ZNF264: variants seen among roughly 807,000 people sequenced by gnomAD.
ZNF264 encodes the protein zinc finger protein 264.
In ZNF264, 11 loss-of-function variants were observed where a neutral mutation model predicts 11.2. The ratio of observed to expected loss-of-function variants is 0.98; its 90% CI spans 0.62 to 1.63. The LOEUF is 1.63. Among genes scored for constraint, ZNF264 ranks in the 40% most tolerant of loss-of-function variants. The pLI, the probability that ZNF264 is intolerant of heterozygous loss-of-function variation, is 0.00. For synonymous variants in ZNF264, 309 were observed against 279.8 expected (o/e 1.10, Z -1.04); for missense variants, 752 against 768.1 (o/e 0.98, Z 0.25).
chr19:57,209,844 C>T (rs1471205118), intron 3 of ZNF264, among the ~76,000 whole-genome samples: 1 of 152,012 alleles, frequency 6.6e-6, no homozygotes, highest in Non-Finnish European at 1.5e-5. Context: ...GTAATCTGCT[C>T]ACCTCGGCCT....
intron 2 of ZNF264, among the ~76,000 whole-genome samples, chr19:57,203,350 A>G (rs995566064): frequency 2.0e-5 from 3 of 152,128 alleles, no homozygotes; most frequent in Non-Finnish European, 4.4e-5. Flanking sequence ...GCTTGTTCCC[A>G]GGGGAGTTTA....
chr19:57,196,831 C>T (rs977340915), intron 2 of ZNF264, among the ~76,000 whole-genome samples: 42 of 152,002 alleles, frequency 2.8e-4, no homozygotes, highest in Admixed American at 2.2e-3. Context: ...CATCCTTCTT[C>T]GAAGTCCCTG....
At chr19:57,206,334 C>T (rs900675790) in intron 3 of ZNF264, among the ~76,000 whole-genome samples, 1 of 152,156 alleles carries the variant, frequency 6.6e-6, no homozygotes, top group African/African-American at 2.4e-5. Flanking sequence ...AGCTCCGCCT[C>T]CCGGGTTCAC....
intron 3 of ZNF264, 105 bp downstream of exon 3, chr19:57,205,597 C>A (rs1419927054): frequency 3.3e-5 from 32 of 958,572 alleles, no homozygotes; most frequent in Non-Finnish European, 4.6e-5. Flanking sequence ...TGGCCTCTCT[C>A]TATATAACTC....
chr19:57,195,552 C>T (rs1242339965), intron 2 of ZNF264, among the ~76,000 whole-genome samples: 2 of 149,472 alleles, frequency 1.3e-5, no homozygotes, highest in African/African-American at 5.1e-5. Flanking sequence ...GGGTCTGGGC[C>T]ATTTGTAGTC....
At chr19:57,206,324 A>C (rs907984280) in intron 3 of ZNF264, among the ~76,000 whole-genome samples, 3 of 152,044 alleles carry the variant, frequency 2.0e-5, no homozygotes, top group Non-Finnish European at 1.5e-5. Context: ...GCTCACTGCA[A>C]GCTCCGCCTC....
chr19:57,197,276 T>G (rs2087218809), intron 2 of ZNF264, among the ~76,000 whole-genome samples: 1 of 151,736 alleles, frequency 6.6e-6, no homozygotes, highest in South Asian at 2.1e-4. Flanking sequence ...AATGCTGCTG[T>G]GCGTGACCCA....
intron 3 of ZNF264, among the ~76,000 whole-genome samples, 161 bp from the exon 4 acceptor site, chr19:57,211,193 G>A (rs2087332136): frequency 6.6e-6 from 1 of 152,112 alleles, no homozygotes; most frequent in Non-Finnish European, 1.5e-5. Flanking sequence ...CGAGTCCAAG[G>A]ACCAGGATAG....
Position 57,216,851 on chromosome 19 carries a change from A to C in ZNF264, c.*3870A>C. On this transcript the variant is annotated 3_prime_UTR_variant, in exon 4 of 4. Transcript: ENST00000263095. Reference sequence around the variant, plus strand: ...TGGGGTTGTTTACTAGTCTTCCTATAGGTTACTTCACCTTTTTTTTTTTTA... The same window carrying C: ...TGGGGTTGTTTACTAGTCTTCCTATCGGTTACTTCACCTTTTTTTTTTTTA... The C allele has an allele frequency of 6.7e-6, 1 of 149,922 alleles. No individual in the cohort carries two copies. The highest frequency in any genetic ancestry group is 1.9e-4 in the East Asian group (1 of 5,142). 9.3% of individuals were successfully genotyped at this position (149,922 alleles called of 1,614,324 possible). A position where few individuals can be genotyped will look rare whatever the true frequency, so the allele number is the denominator to read the frequency against.
rs1215101011 is a variant in ZNF264 at position 57,218,397 on chromosome 19, A to T, written c.*5416A>T. 1 of 152,112 alleles carries T rather than the reference A, an allele frequency of 6.6e-6. No individual in the cohort carries two copies. Among genetic ancestry groups the T allele is most frequent in the Non-Finnish European group, 1.5e-5 (1 of 68,028 alleles). 9.4% of individuals were successfully genotyped at this position (152,112 alleles called of 1,614,324 possible). ...TCAAGCTTCATTCAAAGTGTTTTTCATTGTCTCTAGTGTTCAGAAGTTTGG... is the reference window on the plus strand; with the variant it reads ...TCAAGCTTCATTCAAAGTGTTTTTCTTTGTCTCTAGTGTTCAGAAGTTTGG... On this transcript the variant is annotated 3_prime_UTR_variant, in exon 4 of 4. Coordinates refer to ENST00000263095, the MANE Select transcript of ZNF264 (RefSeq NM_003417.5).
intron 1 of ZNF264, 122 bp from the exon 2 acceptor site, chr19:57,193,753 C>G: frequency 7.2e-7 from 1 of 1,393,676 alleles, no homozygotes; most frequent in African/African-American, 1.4e-5. Flanking sequence ...CAGAGCTAGG[C>G]CCTCAGGAGG....
chr19:57,211,283 G>T, intron 3 of ZNF264, 71 bp from the exon 4 acceptor site: 2 of 1,385,644 alleles, frequency 1.4e-6, no homozygotes, highest in Non-Finnish European at 1.9e-6. Context: ...GTTTTTCACA[G>T]AAATGGTAAT....
rs755014783 is a variant in ZNF264, at chr19:57,199,750, TG to T, written c.161-5644del. On this transcript the variant is annotated intron_variant, in intron 2 of 3. Transcript: ENST00000263095. ...GGTCACACTCTGAACCTCACTTCTG[TG>T]GGCCCATCGGGACTTTAGTTATAGG... Among the ~76,000 whole-genome samples, 6 of 151,994 alleles carry T rather than the reference TG, an allele frequency of 3.9e-5. No individual in the cohort carries two copies. In the East Asian group the frequency reaches 5.8e-4, roughly 15 times the overall value.
At chr19:57,203,376 C>A (rs1232084089) in intron 2 of ZNF264, among the ~76,000 whole-genome samples, 1 of 152,096 alleles carries the variant, frequency 6.6e-6, no homozygotes, top group Non-Finnish European at 1.5e-5. Context: ...CTAGAAATTA[C>A]CTGTCCCTGA....
rs777632098 is a variant in ZNF264, at chr19:57,205,463, A to G, written c.227A>G (p.Lys76Arg). The G allele has an allele frequency of 6.8e-6, 11 of 1,612,094 alleles. No homozygotes were observed. The highest frequency in any genetic ancestry group is 1.7e-5 in the Admixed American group (1 of 59,752). ...CATGGGCAGGAGCCATGGACCAGGA[A>G]GGAAGACCTCTCCCAAGACACCTGT... ...LEHGQEPWTR[K>R]EDLSQDTCPG... Residue 76 changes from lysine (K) to arginine (R), a missense_variant, in exon 3 of 4, where the codon AAG becomes AGG. Lys to Arg is a conservative substitution (Grantham distance 26, BLOSUM62 2). Coordinates refer to ENST00000263095, the MANE Select transcript of ZNF264 (RefSeq NM_003417.5).
intron 2 of ZNF264, among the ~76,000 whole-genome samples, chr19:57,195,122 C>T (rs2087202833): frequency 6.6e-6 from 1 of 152,174 alleles, no homozygotes; most frequent in Non-Finnish European, 1.5e-5. Flanking sequence ...CCATACACAT[C>T]TCCTGAGATC....
chr19:57,191,728 G>A lies in ZNF264; in HGVS notation c.-186G>A. 1.4e-5 allele frequency: 6 copies of A among 420,284 alleles called. No individual in the cohort carries two copies. Among genetic ancestry groups the A allele is most frequent in the Non-Finnish European group, 2.1e-5 (5 of 243,758 alleles). 26.0% of individuals were successfully genotyped at this position (420,284 alleles called of 1,614,324 possible). A position where few individuals can be genotyped will look rare whatever the true frequency, so the allele number is the denominator to read the frequency against. On this transcript the variant is annotated 5_prime_UTR_variant, in exon 1 of 4. Transcript: ENST00000263095. ...GCGGTCTCCAGGGGCGGCGCCCTGG[G>A]TCTGGAACGCGGTTGCCACCGAGGA...
chr19:57,206,667 C>G (rs2087295200), intron 3 of ZNF264, among the ~76,000 whole-genome samples: 1 of 151,312 alleles, frequency 6.6e-6, no homozygotes, highest in East Asian at 1.9e-4. Flanking sequence ...AAGAGTGATG[C>G]TATGTTACAT....
intron 2 of ZNF264, 126 bp from the exon 3 acceptor site, chr19:57,205,271 C>T: frequency 2.4e-6 from 2 of 826,026 alleles, no homozygotes; most frequent in Non-Finnish European, 3.9e-6. Flanking sequence ...GCCAGCTTTT[C>T]ATTCCCATGC....
Sources: allele counts gnomAD v4.1 joint callset (sites outside exome capture counted in the v4.1 genomes callset), GRCh38; gene constraint gnomAD v4.1.1; transcripts MANE v1.5; gene names NCBI Gene and HGNC (gene_info 2026-07-23, HGNC 2026-07-21).